LAMC1: variants seen among roughly 807,000 people sequenced by gnomAD.
The protein encoded by LAMC1 is laminin subunit gamma 1, also known as laminin subunit gamma-1.
Under a neutral mutation model 173.6 loss-of-function variants are expected in LAMC1, and 38 were observed. The observed-to-expected ratio is 0.22, with a 90% CI of 0.17 to 0.29. LAMC1 has a LOEUF of 0.29. Ranked by LOEUF, LAMC1 falls within the 10% of genes least tolerant of loss-of-function variation. LAMC1 has a pLI of 1.00. For synonymous variants in LAMC1, 746 were observed against 749.1 expected, an observed-to-expected ratio of 1.00 and a Z score of 0.07; for missense variants, 1,824 against 2,051.8, an observed-to-expected ratio of 0.89 and a Z score of 2.14.
intron 1 of LAMC1, among the ~76,000 whole-genome samples, chr1:183,041,994 G>T (rs539656135): frequency 2.6e-5 from 4 of 152,146 alleles, no homozygotes; most frequent in Admixed American, 6.5e-5. Flanking sequence ...GAATAGGATG[G>T]CTAGTACATG....
In LAMC1 at chr1:183,117,620, G is replaced by A; in HGVS notation, c.1774G>A (p.Ala592Thr). The change falls in exon 10 of 28, where the codon GCA (alanine) becomes ACA (threonine). Residue 592 changes from alanine to threonine, a missense_variant. Physicochemically the swap from Ala to Thr is moderately conservative, Grantham distance 58. Coordinates refer to ENST00000258341, the MANE Select transcript of LAMC1 (RefSeq NM_002293.4). ...GGACAGGCGAGATACTCGCCTCTCT[G>A]CAGAAGACCTTGTGCTTGAGGGAGC... The part of the protein sequence containing the change: ...RVDRRDTRLS[A>T]EDLVLEGAGL... 6.2e-7 allele frequency: 1 copy of A among 1,614,174 alleles called. No individual in the cohort carries two copies. Among genetic ancestry groups the A allele is most frequent in the African/African-American group, 1.3e-5 (1 of 75,044 alleles).
chr1:183,057,511 C>T (rs901055781), intron 1 of LAMC1, among the ~76,000 whole-genome samples: 28 of 152,136 alleles, frequency 1.8e-4, no homozygotes, highest in African/African-American at 3.4e-4. Flanking sequence ...CTGTAATCTC[C>T]GCATTTTGGG....
intron 1 of LAMC1, among the ~76,000 whole-genome samples, chr1:183,085,296 C>T (rs1158415440): frequency 6.6e-6 from 1 of 151,752 alleles, no homozygotes; most frequent in Admixed American, 6.6e-5. Flanking sequence ...AGGCTTAGTA[C>T]ACCCTGCTCT....
At chr1:183,132,599 A>G in intron 21 of LAMC1, 62 bp downstream of exon 21, 1 of 1,324,424 alleles carries the variant, frequency 7.6e-7, no homozygotes, top group South Asian at 1.3e-5. Flanking sequence ...ACACTAGTTC[A>G]ATGAAAAATT....
rs59134708 is a variant in LAMC1 at position 183,128,470 on chromosome 1, TAAAAAA to T, written c.3124-114_3124-109del. ...CTAAAACTTAAAGTATAATAATAATTAAAAAAAAAAAAAAAGAACTACATATTCATG... is the reference window on the plus strand; with the variant it reads ...CTAAAACTTAAAGTATAATAATAATTAAAAAAAAAGAACTACATATTCATG... On this transcript the variant is annotated intron_variant, in intron 17 of 27. Transcript: ENST00000258341. 1,830 of 613,124 alleles carry T rather than the reference TAAAAAA, an allele frequency of 3.0e-3. 24 individuals are homozygous for T. Among genetic ancestry groups the T allele is most frequent in the African/African-American group, 0.03 (1,534 of 51,796 alleles). 38.0% of individuals were successfully genotyped at this position (613,124 alleles called of 1,614,324 possible). A position where few individuals can be genotyped will look rare whatever the true frequency, so the allele number is the denominator to read the frequency against.
intron 1 of LAMC1, among the ~76,000 whole-genome samples, chr1:183,097,727 G>T (rs141197741): frequency 3.3e-5 from 5 of 152,312 alleles, no homozygotes; most frequent in Middle Eastern, 3.4e-3. Flanking sequence ...GATTCTCATT[G>T]TCGATGCGGC....
Position 183,121,999 on chromosome 1 carries a change from A to G in LAMC1, c.2212+55A>G, listed in dbSNP as rs754000928. ...TAACTTCTCTTTAGCAATTGTGTAGAAAGTGCTCATTGTCTTATATACTTG... is the reference window on the plus strand; with the variant it reads ...TAACTTCTCTTTAGCAATTGTGTAGGAAGTGCTCATTGTCTTATATACTTG... On this transcript the variant is annotated intron_variant, in intron 12 of 27. Coordinates refer to ENST00000258341, the MANE Select transcript of LAMC1 (RefSeq NM_002293.4). 24 of 1,607,132 alleles carry G rather than the reference A, an allele frequency of 1.5e-5. No individual in the cohort carries two copies. The African/African-American group carries it at 2.8e-4, about 19-fold the overall frequency.
chr1:183,133,320 T>A (rs989684951), intron 21 of LAMC1, 86 bp from the exon 22 acceptor site: 9 of 1,193,150 alleles, frequency 7.5e-6, no homozygotes, highest in Non-Finnish European at 1.1e-5. Flanking sequence ...TTTGGGCGTA[T>A]TATCACATGA....
chr1:183,126,313 G>C (rs374992695), intron 16 of LAMC1, 51 bp downstream of exon 16: 2 of 1,590,204 alleles, frequency 1.3e-6, no homozygotes, highest in Non-Finnish European at 1.7e-6. Flanking sequence ...ATTCCAGTTA[G>C]TGTCTTAAGG....
rs73051729 is a variant in LAMC1 at position 183,054,197 on chromosome 1, A to G, written c.418+30063A>G. 9.2e-3 allele frequency among the ~76,000 whole-genome samples: 1,399 copies of G among 152,294 alleles called. 15 individuals carry two copies. Among genetic ancestry groups the G allele is most frequent in the African/African-American group, 0.032 (1,335 of 41,564 alleles). On this transcript the variant is annotated intron_variant, in intron 1 of 27. Coordinates refer to ENST00000258341, the MANE Select transcript of LAMC1 (RefSeq NM_002293.4). The stretch of plus-strand genomic sequence containing the variant: ...TAATAGCTAACATTTATTAACTACT[A>G]TGTGCTATGCATGGTGTTGAGTGCT...
intron 2 of LAMC1, among the ~76,000 whole-genome samples, chr1:183,104,278 C>A (rs1222958975): frequency 6.6e-6 from 1 of 152,206 alleles, no homozygotes; most frequent in Non-Finnish European, 1.5e-5. Context: ...AAACCTTTCC[C>A]TGTTTGAGAA....
Position 183,130,437 on chromosome 1 carries a change from A to C in LAMC1, c.3374A>C (p.Glu1125Ala). ...SRLQNIRNTI[E>A]ETGNLAEQAR... ...TTACAGAATATCCGGAATACCATTG[A>C]AGAGACTGGAAACTTGGCTGAACAA... The change falls in exon 19 of 28, where the codon GAA becomes GCA. Residue 1125 changes from glutamate to alanine, a missense_variant. By Grantham distance (107) the Glu-to-Ala change is moderately radical. Coordinates refer to ENST00000258341, the MANE Select transcript of LAMC1 (RefSeq NM_002293.4). 1 of 1,614,182 alleles carries C rather than the reference A, an allele frequency of 6.2e-7. No homozygotes were observed. Among genetic ancestry groups the C allele is most frequent in the Non-Finnish European group, 8.5e-7 (1 of 1,180,000 alleles).
At chr1:183,132,378 A>AT (rs774254821) in intron 20 of LAMC1, 22 bp from the exon 21 acceptor site, 1 of 1,589,000 alleles carries the variant, frequency 6.3e-7, no homozygotes, top group East Asian at 2.3e-5. Flanking sequence ...TTCATGGCTT[A>AT]TTTTTTGTTT....
chr1:183,079,249 T>G lies in LAMC1; in HGVS notation c.419-24079T>G, dbSNP rs1420472099. 1.1e-3 allele frequency among the ~76,000 whole-genome samples: 92 copies of G among 83,430 alleles called. 2 individuals are homozygous for G. In the South Asian group the frequency reaches 0.032, roughly 29 times the overall value. 54.7% of individuals were successfully genotyped at this position (83,430 alleles called of 152,430 possible). On this transcript the variant is annotated intron_variant, in intron 1 of 27. Coordinates refer to ENST00000258341, the MANE Select transcript of LAMC1 (RefSeq NM_002293.4). Reference sequence around the variant, plus strand: ...CTAATCTGGTTTTTTTTTTTTTTTTTTTTTTTTTTTTTTTTTTTTTTTTGA... The same window carrying G: ...CTAATCTGGTTTTTTTTTTTTTTTTGTTTTTTTTTTTTTTTTTTTTTTTGA...
chr1:183,138,712 T>C (rs1018480369), intron 26 of LAMC1: 5 of 152,118 alleles, frequency 3.3e-5, no homozygotes, highest in African/African-American at 1.2e-4. Flanking sequence ...TGGATGTTGG[T>C]TTGGATTGTC....
intron 1 of LAMC1, among the ~76,000 whole-genome samples, chr1:183,062,924 G>C (rs1400947540): frequency 6.6e-6 from 1 of 152,148 alleles, no homozygotes; most frequent in South Asian, 2.1e-4. Flanking sequence ...CTGCACTCCA[G>C]CCTGGGCAGA....
At chr1:183,029,850 A>G (rs1171076360) in intron 1 of LAMC1, among the ~76,000 whole-genome samples, 1 of 152,170 alleles carries the variant, frequency 6.6e-6, no homozygotes, top group African/African-American at 2.4e-5. Context: ...CTTGTTATGT[A>G]TTAGCAACAA....
At chr1:183,049,900 G>A (rs78705004) in intron 1 of LAMC1, among the ~76,000 whole-genome samples, 439 of 152,084 alleles carry the variant, frequency 2.9e-3, no homozygotes, top group Non-Finnish European at 4.9e-3. Flanking sequence ...GGGCATAATA[G>A]GAATAGTTTG....
intron 27 of LAMC1, among the ~76,000 whole-genome samples, chr1:183,141,906 C>T (rs1291058619): frequency 6.6e-6 from 1 of 152,162 alleles, no homozygotes; most frequent in East Asian, 1.9e-4. Flanking sequence ...GAAATGCTGT[C>T]TATTGTGTCT....
Sources: allele counts gnomAD v4.1 joint callset (sites outside exome capture counted in the v4.1 genomes callset), GRCh38; gene constraint gnomAD v4.1.1; transcripts MANE v1.5; gene names NCBI Gene and HGNC (gene_info 2026-07-23, HGNC 2026-07-21).